TMPRSS15: variants seen among roughly 807,000 people sequenced by gnomAD.
TMPRSS15 encodes enteropeptidase.
A neutral mutation model predicts 125.3 loss-of-function variants in TMPRSS15; 128 were observed. The observed-to-expected ratio is 1.02, with a 90% CI of 0.89 to 1.18. TMPRSS15 has a LOEUF of 1.18. TMPRSS15 is among the 50% of genes most tolerant of loss of function. The probability of loss-of-function intolerance (pLI) is 0.00; values close to 1 mark genes in which losing one functional copy is unlikely to be tolerated. For synonymous variants in TMPRSS15, 446 were observed against 423.2 expected, an observed-to-expected ratio of 1.05 and a Z score of -0.66; for missense variants, 1,283 against 1,212.7, an observed-to-expected ratio of 1.06 and a Z score of -0.86.
intron 10 of TMPRSS15, among the ~76,000 whole-genome samples, chr21:18,348,325 T>C (rs4507184): frequency 0.89 from 135,181 of 152,184 alleles, 62,289 homozygotes; most frequent in East Asian, 1. Flanking sequence ...TTGAACCTAG[T>C]CTCTCTCCAC....
At chr21:18,442,576 C>T (rs1046129513) in intron 1 of TMPRSS15, among the ~76,000 whole-genome samples, 1 of 152,148 alleles carries the variant, frequency 6.6e-6, no homozygotes, top group Non-Finnish European at 1.5e-5. Flanking sequence ...AAAAAACTCC[C>T]TTGCATCACA....
At chr21:18,281,869 G>T (rs889143134) in intron 21 of TMPRSS15, among the ~76,000 whole-genome samples, 1 of 151,840 alleles carries the variant, frequency 6.6e-6, no homozygotes, top group Non-Finnish European at 1.5e-5. Flanking sequence ...AGGCCGAGGC[G>T]GGCGGATCAC....
At chr21:18,297,174 G>A (rs192021262) in intron 19 of TMPRSS15, among the ~76,000 whole-genome samples, 1 of 152,270 alleles carries the variant, frequency 6.6e-6, no homozygotes, top group Admixed American at 6.5e-5. Context: ...GAAAGATGCT[G>A]CTTTTTAATA....
At chr21:18,373,552 C>T (rs2075813154) in intron 5 of TMPRSS15, among the ~76,000 whole-genome samples, 1 of 152,070 alleles carries the variant, frequency 6.6e-6, no homozygotes, top group Non-Finnish European at 1.5e-5. Context: ...ATCCAGAAAA[C>T]ACATATTTCA....
intron 1 of TMPRSS15, among the ~76,000 whole-genome samples, chr21:18,446,786 C>T (rs188604786): frequency 7.2e-5 from 11 of 152,274 alleles, no homozygotes; most frequent in Admixed American, 4.6e-4. Context: ...GTTGCAAAAT[C>T]AGCTGAAAAT....
chr21:18,441,334 T>C (rs1388120480), intron 1 of TMPRSS15, among the ~76,000 whole-genome samples: 2 of 145,700 alleles, frequency 1.4e-5, no homozygotes, highest in Non-Finnish European at 3.0e-5. Flanking sequence ...AGACCGGGCG[T>C]GGTGGCTCAC....
chr21:18,326,550 T>G lies in TMPRSS15; in HGVS notation c.1803A>C (p.Pro601=). The G allele has an allele frequency of 6.2e-7, 1 of 1,614,140 alleles. No individual in the cohort carries two copies. Among genetic ancestry groups the G allele is most frequent in the Non-Finnish European group, 8.5e-7 (1 of 1,179,976 alleles). The change falls in exon 16 of 25, where the codon CCA becomes CCC. Residue 601 remains proline, a synonymous_variant. Coordinates refer to ENST00000284885, the MANE Select transcript of TMPRSS15 (RefSeq NM_002772.3). ...LLLAVYTGPG[P]VKDVFSTTNR... is the part of the protein sequence containing the mutation. Reference sequence around the variant, plus strand: ...TGGTGGTAGAGAACACATCCTTTACTGGGCCAGGCCCTGTGTACACAGCTG... The same window carrying G: ...TGGTGGTAGAGAACACATCCTTTACGGGGCCAGGCCCTGTGTACACAGCTG...
At chr21:18,291,362 G>A (rs1011984032) in intron 21 of TMPRSS15, among the ~76,000 whole-genome samples, 1 of 152,200 alleles carries the variant, frequency 6.6e-6, no homozygotes, top group Non-Finnish European at 1.5e-5. Context: ...ACAATACCAC[G>A]ATAGAGAAAC....
intron 1 of TMPRSS15, among the ~76,000 whole-genome samples, chr21:18,452,815 A>G (rs1362073904): frequency 3.3e-5 from 5 of 152,208 alleles, no homozygotes; most frequent in Non-Finnish European, 5.9e-5. Context: ...AAAACTGCAC[A>G]TATTTAATGT....
chr21:18,483,635 A>G (rs538465724), intron 1 of TMPRSS15, among the ~76,000 whole-genome samples: 169 of 152,084 alleles, frequency 1.1e-3, no homozygotes, highest in African/African-American at 4.0e-3. Context: ...ATAGCTGTAT[A>G]CATAATAAGA....
chr21:18,299,400 TC>T (rs1482388348), intron 18 of TMPRSS15, among the ~76,000 whole-genome samples: 2 of 152,214 alleles, frequency 1.3e-5, no homozygotes, highest in Non-Finnish European at 2.9e-5. Context: ...ACCTTGAATT[TC>T]ACCATTCTTG....
intron 16 of TMPRSS15, among the ~76,000 whole-genome samples, chr21:18,320,534 T>C (rs1312244463): frequency 1.3e-5 from 2 of 152,184 alleles, no homozygotes; most frequent in Non-Finnish European, 2.9e-5. Context: ...TGAATTAAAA[T>C]TTAAATGATA....
intron 21 of TMPRSS15, among the ~76,000 whole-genome samples, chr21:18,281,551 G>A (rs753279316): frequency 2.6e-5 from 4 of 151,948 alleles, no homozygotes; most frequent in Non-Finnish European, 5.9e-5. Flanking sequence ...CTCCTCCCCC[G>A]ATTCTAATGT....
intron 1 of TMPRSS15, among the ~76,000 whole-genome samples, chr21:18,455,077 C>A (rs888827029): frequency 6.6e-6 from 1 of 151,990 alleles, no homozygotes; most frequent in African/African-American, 2.4e-5. Flanking sequence ...TGAGTTCACA[C>A]GAGATCTGAT....
At chr21:18,357,555 T>C (rs910755118) in intron 8 of TMPRSS15, among the ~76,000 whole-genome samples, 1 of 150,130 alleles carries the variant, frequency 6.7e-6, no homozygotes, top group African/African-American at 2.5e-5. Context: ...AAATAATAAC[T>C]ATTTGAGATT....
At chr21:18,388,785 G>T (rs574505840) in intron 3 of TMPRSS15, among the ~76,000 whole-genome samples, 4 of 152,090 alleles carry the variant, frequency 2.6e-5, no homozygotes, top group African/African-American at 9.7e-5. Context: ...AAACTTTCCC[G>T]TGTAATGTTA....
At chr21:18,454,851 A>G (rs936783112) in intron 1 of TMPRSS15, among the ~76,000 whole-genome samples, 3 of 152,130 alleles carry the variant, frequency 2.0e-5, no homozygotes, top group Non-Finnish European at 4.4e-5. Context: ...ACACATCCCA[A>G]AATAATATTG....
At chr21:18,397,975 A>G (rs2076055440) in intron 2 of TMPRSS15, 29 bp from the exon 3 acceptor site, 4 of 1,359,756 alleles carry the variant, frequency 2.9e-6, no homozygotes, top group South Asian at 2.6e-5. Flanking sequence ...TTGAATGAGT[A>G]TACTAAATTT....
rs901869869 is a variant in TMPRSS15, at chr21:18,269,678, GTAAT to G, written c.*287_*290del. ...ATAACATCCCTTTAAACAACAGTAA[GTAAT>G]AAAAATAATCATTAAGAATTTTAAA... On this transcript the variant is annotated 3_prime_UTR_variant, in exon 25 of 25. Transcript: ENST00000284885. 7 of 334,290 alleles carry G rather than the reference GTAAT, an allele frequency of 2.1e-5. No homozygotes were observed. The highest frequency in any genetic ancestry group is 3.4e-5 in the Non-Finnish European group (6 of 177,616). 20.7% of individuals were successfully genotyped at this position (334,290 alleles called of 1,614,324 possible). A position where few individuals can be genotyped will look rare whatever the true frequency, so the allele number is the denominator to read the frequency against.
Sources: allele counts gnomAD v4.1 joint callset (sites outside exome capture counted in the v4.1 genomes callset), GRCh38; gene constraint gnomAD v4.1.1; transcripts MANE v1.5; gene names NCBI Gene and HGNC (gene_info 2026-07-23, HGNC 2026-07-21).